The following RFX1 variants were observed in gnomAD, a reference collection of about 807,000 sequenced individuals.
The protein encoded by RFX1 is MHC class II regulatory factor RFX1.
Under a neutral mutation model 119.6 loss-of-function variants are expected in RFX1, and 42 were observed. The observed-to-expected ratio is 0.35, with a 90% CI of 0.27 to 0.45. The LOEUF is 0.45. RFX1 is among the 20% of genes least tolerant of loss of function. RFX1 has a pLI of 1.00. For missense variants in RFX1, 1,118 were observed against 1,368.1 expected, an observed-to-expected ratio of 0.82 and a Z score of 2.88; for synonymous variants, 628 against 618.5, an observed-to-expected ratio of 1.02 and a Z score of -0.23.
chr19:13,983,690 A>AGTC, intron 2 of RFX1, 95 bp from the exon 3 acceptor site: 1 of 1,045,286 alleles, frequency 9.6e-7, no homozygotes, highest in Non-Finnish European at 1.4e-6. Context: ...GCCTGAAGCC[A>AGTC]ACCCCCAGCA....
chr19:13,980,731 T>TGCATCCTCTCTAGGGTGGGCTC lies in RFX1; in HGVS notation c.622-43_622-42insGAGCCCACCCTAGAGAGGATGC. The stretch of plus-strand genomic sequence containing the variant: ...CACAGGAGTGCCGCTGGGGTGGGCT[T>TGCATCCTCTCTAGGGTGGGCTC]GCATCCTCTCTGAGGTGGGCTCACA... On this transcript the variant is annotated intron_variant, in intron 5 of 20. Coordinates refer to ENST00000254325, the MANE Select transcript of RFX1 (RefSeq NM_002918.5). This position sits in a 1 kb window ranked among gnomAD's most constrained non-coding sequence, Gnocchi z 5.1. The TGCATCCTCTCTAGGGTGGGCTC allele has an allele frequency of 2.5e-6, 3 of 1,201,552 alleles. No homozygotes were observed. The highest frequency in any genetic ancestry group is 2.7e-5 in the South Asian group (2 of 74,566). 74.4% of individuals were successfully genotyped at this position (1,201,552 alleles called of 1,614,324 possible).
intron 2 of RFX1, among the ~76,000 whole-genome samples, chr19:13,989,864 G>A (rs975990323): frequency 1.8e-4 from 3 of 16,328 alleles, no homozygotes; most frequent in South Asian, 2.3e-3. Flanking sequence ...GGAAGAGGCG[G>A]GGGGGGTTCT....
chr19:13,973,169 A>T (rs1974145374), intron 8 of RFX1, 42 bp from the exon 9 acceptor site: 1 of 1,087,482 alleles, frequency 9.2e-7, no homozygotes, highest in Non-Finnish European at 1.3e-6. Context: ...GGGGGATGAG[A>T]ACTGGGGGGC....
At chr19:14,005,849 C>G (rs1386511182) in intron 1 of RFX1, among the ~76,000 whole-genome samples, 5 of 151,932 alleles carry the variant, frequency 3.3e-5, no homozygotes, top group Non-Finnish European at 7.4e-5. Context: ...AAAAGCCCCC[C>G]GCCCCGGCCT....
At chr19:14,004,236 G>T (rs1346917557) in intron 1 of RFX1, among the ~76,000 whole-genome samples, 1 of 152,116 alleles carries the variant, frequency 6.6e-6, no homozygotes, top group African/African-American at 2.4e-5. Flanking sequence ...CTAGCCGGGC[G>T]CGGTGGCTCA....
At chr19:13,988,719 T>A (rs1248463989) in intron 2 of RFX1, among the ~76,000 whole-genome samples, 2 of 152,078 alleles carry the variant, frequency 1.3e-5, no homozygotes, top group African/African-American at 4.8e-5. Flanking sequence ...CTTCAAGTAG[T>A]GTTAAGTGTT....
intron 8 of RFX1, 82 bp downstream of exon 8, chr19:13,977,910 G>A (rs1045912956): frequency 2.8e-6 from 3 of 1,084,526 alleles, no homozygotes; most frequent in Non-Finnish European, 4.1e-6. Flanking sequence ...TGGGGGCTGG[G>A]ACTGGGGACT....
chr19:14,005,949 G>A (rs1273449526), intron 1 of RFX1, among the ~76,000 whole-genome samples, 154 bp downstream of exon 1: 1 of 151,042 alleles, frequency 6.6e-6, no homozygotes, highest in East Asian at 2.0e-4. Flanking sequence ...CGTTCCAGCC[G>A]GGCCCCGGCC....
In RFX1 at chr19:13,990,699, C is replaced by A. The variant is rs1321601273; in HGVS notation, c.319+2826G>T. Among the ~76,000 whole-genome samples the A allele has an allele frequency of 6.6e-6, 1 of 152,062 alleles. No individual in the cohort carries two copies. The highest frequency in any genetic ancestry group is 1.9e-4 in the East Asian group (1 of 5,182). On this transcript the variant is annotated intron_variant, in intron 2 of 20. Transcript: ENST00000254325. This position sits in a 1 kb window ranked among gnomAD's most constrained non-coding sequence, Gnocchi z 4.1. ...AGGCATGGTGGCGGGCACCTATAGT[C>A]CCAGCTACTTGGGAGGCTGAGGCAG...
chr19:13,966,608 T>C lies in RFX1; in HGVS notation c.1851+25A>G. On this transcript the variant is annotated intron_variant, in intron 13 of 20. Transcript: ENST00000254325. The surrounding 1 kb of genome is among the most constrained non-coding windows in gnomAD (Gnocchi z 6.3). ...TGCCCGTGGCTGCGTCCCCGTCCAC[T>C]TGCCTGCCCACCTGGCCACCCTACC... 1 of 1,562,570 alleles carries C rather than the reference T, an allele frequency of 6.4e-7. No individual in the cohort carries two copies. The highest frequency in any genetic ancestry group is 8.7e-7 in the Non-Finnish European group (1 of 1,147,376).
In RFX1 at chr19:13,990,999, A is replaced by T. The variant is rs893923223; in HGVS notation, c.319+2526T>A. 6.6e-6 allele frequency among the ~76,000 whole-genome samples: 1 copy of T among 152,162 alleles called. No individual in the cohort carries two copies. The highest frequency in any genetic ancestry group is 1.5e-5 in the Non-Finnish European group (1 of 68,038). On this transcript the variant is annotated intron_variant, in intron 2 of 20. Coordinates refer to ENST00000254325, the MANE Select transcript of RFX1 (RefSeq NM_002918.5). This position sits in a 1 kb window ranked among gnomAD's most constrained non-coding sequence, Gnocchi z 4.1. Reference sequence around the variant, plus strand: ...GTCTCAAAAAATAAATACATAAAAAATAAACAAAATGGGTGCTGTTCCACC... The same window carrying T: ...GTCTCAAAAAATAAATACATAAAAATTAAACAAAATGGGTGCTGTTCCACC...
At chr19:13,983,457 C>T in intron 3 of RFX1, 29 bp downstream of exon 3, 1 of 1,550,548 alleles carries the variant, frequency 6.4e-7, no homozygotes, top group Non-Finnish European at 8.8e-7. Context: ...CCGGGCCCTC[C>T]CCCACCCCCT....
rs147598815 is a variant in RFX1 at position 13,977,203 on chromosome 19, G to A, written c.929+789C>T. On this transcript the variant is annotated intron_variant, in intron 8 of 20. Coordinates refer to ENST00000254325, the MANE Select transcript of RFX1 (RefSeq NM_002918.5). ...CCAGCTACCCGGGAGGCTGAGACAC[G>A]AGAATCACTTGAACACAGGAGGCAG... 3.4e-3 allele frequency among the ~76,000 whole-genome samples: 512 copies of A among 150,704 alleles called. 5 individuals are homozygous for A. Among genetic ancestry groups the A allele is most frequent in the African/African-American group, 0.012 (497 of 40,938 alleles).
At chr19:13,971,251 T>G (rs1473469538) in intron 9 of RFX1, among the ~76,000 whole-genome samples, 1 of 151,618 alleles carries the variant, frequency 6.6e-6, no homozygotes, top group Non-Finnish European at 1.5e-5. Flanking sequence ...CAAAAATTGC[T>G]TGAACCTGGG....
chr19:14,005,898 C>G (rs1454708452), intron 1 of RFX1, among the ~76,000 whole-genome samples: 1 of 151,696 alleles, frequency 6.6e-6, no homozygotes, highest in South Asian at 2.1e-4. Context: ...AGCGCCCGCC[C>G]CTCGCGGGGG....
At chr19:13,997,261 G>A (rs1423216343) in intron 1 of RFX1, among the ~76,000 whole-genome samples, 1 of 152,204 alleles carries the variant, frequency 6.6e-6, no homozygotes, top group Non-Finnish European at 1.5e-5. Flanking sequence ...CTCAAGAGGT[G>A]TCCGAGTTAG....
chr19:14,002,492 A>AAAAG (rs1167701948), intron 1 of RFX1, among the ~76,000 whole-genome samples: 1 of 152,034 alleles, frequency 6.6e-6, no homozygotes, highest in Non-Finnish European at 1.5e-5. Flanking sequence ...CTCAACAAAA[A>AAAAG]AAAGAAAGAA....
intron 8 of RFX1, among the ~76,000 whole-genome samples, chr19:13,976,351 T>G (rs1229249038): frequency 6.6e-6 from 1 of 152,236 alleles, no homozygotes; most frequent in African/African-American, 2.4e-5. Context: ...GTGAAACCTC[T>G]GGAAACTAAA....
At chr19:13,977,424 T>G (rs1974283306) in intron 8 of RFX1, among the ~76,000 whole-genome samples, 1 of 149,836 alleles carries the variant, frequency 6.7e-6, no homozygotes, top group South Asian at 2.1e-4. Context: ...GTCAAATGAT[T>G]TTTTTTTTTT....
Sources: gnomAD v4.1 joint callset for allele counts (sites outside exome capture counted in the v4.1 genomes callset) on GRCh38, gnomAD v4.1.1 for gene constraint, Gnocchi (gnomAD v3.1) non-coding constraint, MANE v1.5 for transcripts, NCBI Gene and HGNC (gene_info 2026-07-23, HGNC 2026-07-21) for gene names.